Variants in PPP1R14D observed in about 807,000 individuals in gnomAD.
The protein encoded by PPP1R14D is protein phosphatase 1 regulatory subunit 14D.
PPP1R14D carries 14 observed loss-of-function variants against 17.1 expected under a neutral mutation model. The ratio of observed to expected loss-of-function variants is 0.82; its 90% CI spans 0.54 to 1.28. The LOEUF (loss-of-function observed/expected upper bound fraction) is 1.28. Among genes scored for constraint, PPP1R14D ranks in the 50% most tolerant of loss-of-function variants. The probability of loss-of-function intolerance (pLI) is 0.00; values close to 1 mark genes in which losing one functional copy is unlikely to be tolerated. For missense variants in PPP1R14D, 173 were observed against 179.2 expected, an observed-to-expected ratio of 0.97 and a Z score of 0.20; for synonymous variants, 67 against 66.1, an observed-to-expected ratio of 1.01 and a Z score of -0.06.
At chr15:40,825,496 G>C (rs944347488) in intron 1 of PPP1R14D, among the ~76,000 whole-genome samples, 22 of 152,134 alleles carry the variant, frequency 1.4e-4, no homozygotes, top group Admixed American at 1.4e-3. Context: ...CCCACACCAG[G>C]CTGCACATCC....
At chr15:40,821,059 C>T (rs143519744) in intron 1 of PPP1R14D, among the ~76,000 whole-genome samples, 1 of 151,514 alleles carries the variant, frequency 6.6e-6, no homozygotes, top group East Asian at 1.9e-4. Context: ...AGAACCAGGC[C>T]GGGTGCCGTG....
chr15:40,823,051 G>T (rs1890808671), intron 1 of PPP1R14D, among the ~76,000 whole-genome samples: 1 of 146,068 alleles, frequency 6.8e-6, no homozygotes, highest in South Asian at 2.1e-4. Flanking sequence ...TGCAACCTCT[G>T]TCTCCTGGGT....
chr15:40,818,146 T>C (rs1477333522), intron 1 of PPP1R14D, among the ~76,000 whole-genome samples: 1 of 124,874 alleles, frequency 8.0e-6, no homozygotes, highest in Non-Finnish European at 1.6e-5. Context: ...AAAAATTAGC[T>C]GGGCGTGGTG....
intron 1 of PPP1R14D, among the ~76,000 whole-genome samples, chr15:40,826,245 T>C (rs1457139989): frequency 6.6e-6 from 1 of 152,080 alleles, no homozygotes; most frequent in African/African-American, 2.4e-5. Context: ...AGTTTCGAGA[T>C]AGACTGGGTC....
In PPP1R14D at chr15:40,828,543, T is replaced by G. The variant is rs1448956643; in HGVS notation, c.99A>C (p.Ser33=). The G allele has an allele frequency of 1.2e-6, 2 of 1,614,104 alleles. No individual in the cohort carries two copies. Among genetic ancestry groups the G allele is most frequent in the Non-Finnish European group, 1.7e-6 (2 of 1,180,044 alleles). The change falls in exon 1 of 4, where the codon TCA becomes TCC. Residue 33 remains serine (S), a synonymous_variant. Coordinates refer to ENST00000299174, the MANE Select transcript of PPP1R14D (RefSeq NM_017726.8). ...GGGACTTGGACTCTGAGTCTGTGGA[T>G]GATGTCCTTCTCCTCCCAGAAGCCC... ...VHWASGRRRT[S]STDSESKSHP...
chr15:40,825,055 G>A (rs564861812), intron 1 of PPP1R14D, among the ~76,000 whole-genome samples: 4 of 152,046 alleles, frequency 2.6e-5, no homozygotes, highest in Non-Finnish European at 4.4e-5. Flanking sequence ...AGGCTGAGGC[G>A]GGTGGGTCAC....
chr15:40,827,338 G>T (rs750114079), intron 1 of PPP1R14D, among the ~76,000 whole-genome samples: 56 of 152,036 alleles, frequency 3.7e-4, no homozygotes, highest in Non-Finnish European at 8.8e-5. Flanking sequence ...GAGAAACCCC[G>T]TCTCTACTAA....
intron 1 of PPP1R14D, among the ~76,000 whole-genome samples, chr15:40,828,043 T>C (rs963133274): frequency 1.3e-5 from 2 of 152,314 alleles, no homozygotes; most frequent in African/African-American, 4.8e-5. Flanking sequence ...TAAATAAAGA[T>C]ATAAAATTTT....
intron 1 of PPP1R14D, 67 bp from the exon 2 acceptor site, chr15:40,816,320 A>G: frequency 1.5e-6 from 2 of 1,347,906 alleles, no homozygotes; most frequent in Non-Finnish European, 2.1e-6. Context: ...GGTTACTGTC[A>G]GGGACTCAAC....
chr15:40,818,288 CAAAAAAAAAAA>C (rs764375543), intron 1 of PPP1R14D, among the ~76,000 whole-genome samples: 4 of 37,124 alleles, frequency 1.1e-4, no homozygotes, highest in East Asian at 1.3e-3. Context: ...GACTCCATCT[CAAAAAAAAAAA>C]AAAAAAAAAA....
chr15:40,819,434 A>G (rs1890731621), intron 1 of PPP1R14D, among the ~76,000 whole-genome samples: 1 of 151,782 alleles, frequency 6.6e-6, no homozygotes, highest in Admixed American at 6.6e-5. Context: ...CTGTAATCCC[A>G]GCTATTTGGG....
intron 1 of PPP1R14D, among the ~76,000 whole-genome samples, chr15:40,823,688 T>A (rs1890822570): frequency 6.6e-6 from 1 of 152,192 alleles, no homozygotes. Context: ...AGCCTAGGAA[T>A]AATAGCTACA....
chr15:40,828,550 C>A lies in PPP1R14D; in HGVS notation c.92G>T (p.Arg31Met). The A allele has an allele frequency of 1.9e-6, 3 of 1,614,196 alleles. No homozygotes were observed. Among genetic ancestry groups the A allele is most frequent in the Non-Finnish European group, 2.5e-6 (3 of 1,180,036 alleles). Residue 31 changes from arginine to methionine, a missense_variant, in exon 1 of 4, where the codon AGG becomes ATG. By Grantham distance (91) the Arg-to-Met change is moderately conservative (BLOSUM62 -1). Coordinates refer to ENST00000299174, the MANE Select transcript of PPP1R14D (RefSeq NM_017726.8). Reference sequence around the variant, plus strand: ...GGACTCTGAGTCTGTGGATGATGTCCTTCTCCTCCCAGAAGCCCAGTGGAC... The same window carrying A: ...GGACTCTGAGTCTGTGGATGATGTCATTCTCCTCCCAGAAGCCCAGTGGAC... ...KKVHWASGRRRTSSTDSESKS... is the reference protein window; with the variant it reads ...KKVHWASGRRMTSSTDSESKS...
chr15:40,828,569 A>G lies in PPP1R14D; in HGVS notation c.73T>C (p.Trp25Arg), dbSNP rs1042439514. 1 of 1,614,214 alleles carries G rather than the reference A, an allele frequency of 6.2e-7. No homozygotes were observed. The highest frequency in any genetic ancestry group is 8.5e-7 in the Non-Finnish European group (1 of 1,180,026). ...GATGTCCTTCTCCTCCCAGAAGCCCAGTGGACCTTCTTACATGGGTTCTCC... is the reference window on the plus strand; with the variant it reads ...GATGTCCTTCTCCTCCCAGAAGCCCGGTGGACCTTCTTACATGGGTTCTCC... Reference protein sequence around the residue: ...DGENPCKKVHWASGRRRTSST... With the variant: ...DGENPCKKVHRASGRRRTSST... Residue 25 changes from tryptophan (W) to arginine (R), a missense_variant, in exon 1 of 4, where the codon TGG (tryptophan) becomes CGG (arginine). Trp to Arg is a moderately radical substitution (Grantham distance 101). Coordinates refer to ENST00000299174, the MANE Select transcript of PPP1R14D (RefSeq NM_017726.8).
Position 40,815,497 on chromosome 15 carries a change from G to T in PPP1R14D, c.*199C>A. The T allele has an allele frequency of 1.5e-6, 1 of 653,208 alleles. No individual in the cohort carries two copies. Among genetic ancestry groups the T allele is most frequent in the South Asian group, 2.2e-5 (1 of 44,994 alleles). 40.5% of individuals were successfully genotyped at this position (653,208 alleles called of 1,614,324 possible). Reference sequence around the variant, plus strand: ...CCACTTGGCTGCCAAGGAAGGCATTGGACAACAGCCAGCTTTCTCCCAGAG... The same window carrying T: ...CCACTTGGCTGCCAAGGAAGGCATTTGACAACAGCCAGCTTTCTCCCAGAG... On this transcript the variant is annotated 3_prime_UTR_variant, in exon 4 of 4. Coordinates refer to ENST00000299174, the MANE Select transcript of PPP1R14D (RefSeq NM_017726.8).
intron 1 of PPP1R14D, among the ~76,000 whole-genome samples, chr15:40,817,024 T>TCGTGCCA (rs879528948): frequency 1.3e-5 from 2 of 151,520 alleles, no homozygotes; most frequent in Non-Finnish European, 2.9e-5. Context: ...TGAGCGGAGA[T>TCGTGCCA]CGTGCCACTG....
chr15:40,816,140 C>G (rs1165616782), intron 2 of PPP1R14D, 30 bp downstream of exon 2: 4 of 1,611,574 alleles, frequency 2.5e-6, no homozygotes, highest in Non-Finnish European at 3.4e-6. Context: ...TTCCCACTGA[C>G]CCAAGGCCAG....
intron 1 of PPP1R14D, among the ~76,000 whole-genome samples, chr15:40,821,410 A>G (rs796381528): frequency 5.9e-5 from 9 of 152,172 alleles, no homozygotes; most frequent in African/African-American, 2.2e-4. Flanking sequence ...AAACCTTACT[A>G]GATAGAATTA....
At chr15:40,817,612 CTTTTTT>C (rs34000020) in intron 1 of PPP1R14D, among the ~76,000 whole-genome samples, 1 of 124,238 alleles carries the variant, frequency 8.0e-6, no homozygotes, top group African/African-American at 3.0e-5. Context: ...CAAAACTAAA[CTTTTTT>C]TTTTTTTTTT....
Sources: allele counts gnomAD v4.1 joint callset (sites outside exome capture counted in the v4.1 genomes callset), GRCh38; gene constraint gnomAD v4.1.1; transcripts MANE v1.5; gene names NCBI Gene and HGNC (gene_info 2026-07-23, HGNC 2026-07-21).